Variants in BACE2 observed in about 807,000 individuals in gnomAD.
BACE2 encodes beta-secretase 2, also known as 56 kDa aspartic-like protease.
BACE2 carries 17 observed loss-of-function variants against 46.2 expected under a neutral mutation model. The observed-to-expected ratio is 0.37, with a 90% CI of 0.25 to 0.55. The LOEUF (loss-of-function observed/expected upper bound fraction) is 0.55. Among genes scored for constraint, BACE2 ranks in the 20% least tolerant of loss-of-function variants. The probability of loss-of-function intolerance (pLI) is 0.82; values close to 1 mark genes in which losing one functional copy is unlikely to be tolerated. For synonymous variants in BACE2, 277 were observed against 295.9 expected (o/e 0.94, Z 0.66); for missense variants, 595 against 698.1 (o/e 0.85, Z 1.66).
chr21:41,205,849 A>G (rs1226750811), intron 1 of BACE2, among the ~76,000 whole-genome samples: 1 of 152,188 alleles, frequency 6.6e-6, no homozygotes, highest in African/African-American at 2.4e-5. Flanking sequence ...GGAACACTGT[A>G]TCTTCTTCAT....
intron 1 of BACE2, among the ~76,000 whole-genome samples, chr21:41,169,012 C>T (rs1248460677): frequency 6.7e-6 from 1 of 148,326 alleles, no homozygotes; most frequent in Non-Finnish European, 1.5e-5. Context: ...CCCACCCCAC[C>T]ACCATGCTGT....
At chr21:41,216,062 C>T (rs185289541) in intron 1 of BACE2, among the ~76,000 whole-genome samples, 10 of 152,110 alleles carry the variant, frequency 6.6e-5, no homozygotes, top group African/African-American at 9.6e-5. Context: ...TTGAGTTTTC[C>T]GTTGTTTGAG....
At chr21:41,240,770 G>A (rs1987262384) in intron 3 of BACE2, among the ~76,000 whole-genome samples, 1 of 152,214 alleles carries the variant, frequency 6.6e-6, no homozygotes, top group South Asian at 2.1e-4. Flanking sequence ...TCGGAATTCT[G>A]CAGAAGCTGA....
chr21:41,215,391 T>C (rs1466611279), intron 1 of BACE2, among the ~76,000 whole-genome samples: 1 of 152,018 alleles, frequency 6.6e-6, no homozygotes, highest in African/African-American at 2.4e-5. Context: ...CCCTACTAGA[T>C]GCTGCACTCT....
At chr21:41,226,468 C>T in intron 2 of BACE2, 114 bp downstream of exon 2, 1 of 880,104 alleles carries the variant, frequency 1.1e-6, no homozygotes, top group African/African-American at 1.7e-5. Context: ...AGGGGGATAC[C>T]AATATGTATG....
chr21:41,245,841 A>G (rs1987449759), intron 5 of BACE2, 121 bp from the exon 6 acceptor site: 2 of 678,646 alleles, frequency 2.9e-6, no homozygotes, highest in Non-Finnish European at 5.0e-6. Flanking sequence ...ACAGTCCATG[A>G]TGACTGGTGT....
chr21:41,234,424 C>T (rs1013761649), intron 2 of BACE2, among the ~76,000 whole-genome samples: 5 of 152,222 alleles, frequency 3.3e-5, no homozygotes, highest in African/African-American at 4.8e-5. Flanking sequence ...AAATAAAGTT[C>T]TATCAGAACA....
At chr21:41,237,375 G>A (rs1987153204) in intron 2 of BACE2, 138 bp from the exon 3 acceptor site, 1 of 480,480 alleles carries the variant, frequency 2.1e-6, no homozygotes, top group Admixed American at 4.0e-5. Context: ...GAACCCGGGA[G>A]GCGGAGGTTG....
intron 2 of BACE2, among the ~76,000 whole-genome samples, chr21:41,229,287 G>C (rs2837971): frequency 6.6e-6 from 1 of 151,970 alleles, no homozygotes; most frequent in Non-Finnish European, 1.5e-5. Flanking sequence ...GCATTTCCTC[G>C]TTTAGCAATT....
intron 7 of BACE2, among the ~76,000 whole-genome samples, chr21:41,254,914 G>A (rs937399791): frequency 6.6e-6 from 1 of 152,280 alleles, no homozygotes; most frequent in Non-Finnish European, 1.5e-5. Flanking sequence ...GGCGCATGAT[G>A]AGCTCTGGGC....
chr21:41,168,569 G>A lies in BACE2; in HGVS notation c.306G>A (p.Pro102=), dbSNP rs1984468970. 1 of 1,322,932 alleles carries A rather than the reference G, an allele frequency of 7.6e-7. No homozygotes were observed. Among genetic ancestry groups the A allele is most frequent in the Non-Finnish European group, 9.7e-7 (1 of 1,028,654 alleles). 81.9% of individuals were successfully genotyped at this position (1,322,932 alleles called of 1,614,324 possible). The change falls in exon 1 of 9, where the codon CCG becomes CCA. Residue 102 remains proline (P), a synonymous_variant. Transcript: ENST00000330333. ...YYLEMLIGTP[P]QKLQILVDTG... ...TGGAGATGCTGATCGGGACCCCCCCGCAGAAGGTAGGGACCCCCGGCTGCT... is the reference window on the plus strand; with the variant it reads ...TGGAGATGCTGATCGGGACCCCCCCACAGAAGGTAGGGACCCCCGGCTGCT...
intron 1 of BACE2, among the ~76,000 whole-genome samples, chr21:41,211,186 C>G (rs534783358): frequency 2.6e-4 from 39 of 151,912 alleles, no homozygotes; most frequent in South Asian, 1.0e-3. Flanking sequence ...CCCTCTCCCC[C>G]CTTCACTGCC....
chr21:41,252,228 A>T (rs1987661805), intron 7 of BACE2, among the ~76,000 whole-genome samples: 1 of 152,040 alleles, frequency 6.6e-6, no homozygotes, highest in African/African-American at 2.4e-5. Context: ...GACCCCTCCT[A>T]GTTCCTCAGT....
chr21:41,187,581 G>T (rs993752493), intron 1 of BACE2, among the ~76,000 whole-genome samples: 1 of 152,180 alleles, frequency 6.6e-6, no homozygotes, highest in Non-Finnish European at 1.5e-5. Context: ...CTGCTAGCAG[G>T]CTCTAGACTC....
chr21:41,212,261 A>G (rs1986323504), intron 1 of BACE2, among the ~76,000 whole-genome samples: 1 of 152,144 alleles, frequency 6.6e-6, no homozygotes, highest in Admixed American at 6.5e-5. Flanking sequence ...TACATGGCAA[A>G]AGGGATGAGC....
At position 41,282,463 on chromosome 21, in the gene BACE2, AT is replaced by A. The variant is rs1259784471; in HGVS notation, c.*6842del. ...ATTTTTATACTTGTATGTTCCAGCAATTTAAGATATATACCATTGAAAGGGA... is the reference window on the plus strand; with the variant it reads ...ATTTTTATACTTGTATGTTCCAGCAATTAAGATATATACCATTGAAAGGGA... On this transcript the variant is annotated 3_prime_UTR_variant, in exon 9 of 9. Coordinates refer to ENST00000330333, the MANE Select transcript of BACE2 (RefSeq NM_012105.5). 1.3e-5 allele frequency: 2 copies of A among 152,228 alleles called. No individual in the cohort carries two copies. Among genetic ancestry groups the A allele is most frequent in the Non-Finnish European group, 2.9e-5 (2 of 68,044 alleles). 9.4% of individuals were successfully genotyped at this position (152,228 alleles called of 1,614,324 possible).
chr21:41,203,950 G>A (rs1409107434), intron 1 of BACE2, among the ~76,000 whole-genome samples: 1 of 152,192 alleles, frequency 6.6e-6, no homozygotes, highest in Non-Finnish European at 1.5e-5. Context: ...GCGAGAAAGG[G>A]AGGAGAGGAC....
At chr21:41,184,486 A>T (rs3949725) in intron 1 of BACE2, 13,130 of 167,140 alleles carry the variant, frequency 0.079, 703 homozygotes, top group Middle Eastern at 0.21. Flanking sequence ...CTAATTAGAC[A>T]TGGAAAGTGG....
chr21:41,192,693 T>C (rs1985615114), intron 1 of BACE2, among the ~76,000 whole-genome samples: 2 of 152,204 alleles, frequency 1.3e-5, no homozygotes. Context: ...TGCTGGGTCG[T>C]ATGGCCCAAG....
Sources: gnomAD v4.1 joint callset for allele counts (sites outside exome capture counted in the v4.1 genomes callset) on GRCh38, gnomAD v4.1.1 for gene constraint, MANE v1.5 for transcripts, NCBI Gene and HGNC (gene_info 2026-07-23, HGNC 2026-07-21) for gene names.